The following GPHN variants were observed in gnomAD, a reference collection of about 807,000 sequenced individuals.
GPHN encodes the protein gephyrin.
In GPHN, 17 loss-of-function variants were observed where a neutral mutation model predicts 95.5. The observed-to-expected ratio is 0.18, with a 90% CI of 0.12 to 0.27. The LOEUF is 0.27. Ranked by LOEUF, GPHN falls within the 10% of genes least tolerant of loss-of-function variation. The pLI is 1.00. For synonymous variants in GPHN, 320 were observed against 322.5 expected (o/e 0.99, Z 0.08); for missense variants, 660 against 978.1 (o/e 0.67, Z 4.34).
At chr14:67,208,024 C>T in the GPHN span, 1 of 455,052 alleles carries the variant, frequency 2.2e-6, no homozygotes, top group Non-Finnish European at 2.9e-6. Context: ...CTGCCGCCAA[C>T]ACACCCGGGG....
intron 9 of GPHN, among the ~76,000 whole-genome samples, chr14:67,015,659 TC>T (rs2073265490): frequency 6.6e-6 from 1 of 152,062 alleles, no homozygotes; most frequent in East Asian, 1.9e-4. Flanking sequence ...ATCATGCCAC[TC>T]CACTCGAGCC....
the GPHN span, among the ~76,000 whole-genome samples, chr14:67,566,299 C>T: frequency 6.9e-6 from 1 of 145,506 alleles, no homozygotes; most frequent in African/African-American, 2.5e-5. Context: ...ACTGGTCCCC[C>T]TGGGCTGCTG....
At chr14:66,979,897 T>G (rs143216249) in intron 9 of GPHN, among the ~76,000 whole-genome samples, 1 of 152,206 alleles carries the variant, frequency 6.6e-6, no homozygotes, top group African/African-American at 2.4e-5. Context: ...TGGCCTAATT[T>G]CAATATTATT....
At chr14:67,151,025 A>G (rs2081253868) in intron 18 of GPHN, among the ~76,000 whole-genome samples, 1 of 152,208 alleles carries the variant, frequency 6.6e-6, no homozygotes, top group African/African-American at 2.4e-5. Context: ...TTTTAGAAAT[A>G]TTTTATATAA....
chr14:67,035,739 C>T (rs1046536277), intron 10 of GPHN, among the ~76,000 whole-genome samples: 3 of 151,572 alleles, frequency 2.0e-5, no homozygotes, highest in Non-Finnish European at 3.0e-5. Context: ...GATATTGAAT[C>T]AGTAATCAAA....
chr14:67,573,081 C>T, the GPHN span, among the ~76,000 whole-genome samples: 1 of 152,212 alleles, frequency 6.6e-6, no homozygotes, highest in African/African-American at 2.4e-5. This position sits in a 1 kb window ranked among gnomAD's most constrained non-coding sequence, Gnocchi z 4.8. Flanking sequence ...CTTGGCAGGA[C>T]CACCCATGTT....
At chr14:67,568,575 T>G in the GPHN span, among the ~76,000 whole-genome samples, 1 of 152,182 alleles carries the variant, frequency 6.6e-6, no homozygotes, top group East Asian at 1.9e-4. Context: ...CTGCACATCT[T>G]GCATACGTAC....
At chr14:67,225,958 T>C in the GPHN span, among the ~76,000 whole-genome samples, 47 of 130,174 alleles carry the variant, frequency 3.6e-4, no homozygotes, top group African/African-American at 1.2e-3. Flanking sequence ...TGTGTGTGTG[T>C]GTGTGCGCGC....
At chr14:67,524,517 C>T in the GPHN span, among the ~76,000 whole-genome samples, 1 of 152,114 alleles carries the variant, frequency 6.6e-6, no homozygotes, top group African/African-American at 2.4e-5. Flanking sequence ...TATGCCACTC[C>T]CACCCAGAAC....
At chr14:67,336,380 G>A in the GPHN span, 4 of 188,516 alleles carry the variant, frequency 2.1e-5, no homozygotes, top group African/African-American at 7.1e-5. Flanking sequence ...CAAATTATGT[G>A]TCCATTGTTT....
At chr14:67,730,608 A>G in the GPHN span, among the ~76,000 whole-genome samples, 1 of 152,126 alleles carries the variant, frequency 6.6e-6, no homozygotes, top group Non-Finnish European at 1.5e-5. Context: ...TCTGATCCCA[A>G]GCATTTTTTT....
At chr14:66,789,823 CAG>C (rs1167006305) in intron 3 of GPHN, among the ~76,000 whole-genome samples, 1 of 152,192 alleles carries the variant, frequency 6.6e-6, no homozygotes. Flanking sequence ...TCCAAACGTG[CAG>C]AGAGCTGAGT....
the GPHN span, among the ~76,000 whole-genome samples, chr14:67,465,344 G>GTCTAAAC: frequency 6.6e-6 from 1 of 150,472 alleles, no homozygotes. Context: ...GAGCTGCAGG[G>GTCTAAAC]AGAACTACAA....
At chr14:67,035,977 A>G (rs1852246133) in intron 10 of GPHN, among the ~76,000 whole-genome samples, 1 of 151,952 alleles carries the variant, frequency 6.6e-6, no homozygotes, top group South Asian at 2.1e-4. Flanking sequence ...AAAAAAATTG[A>G]TGCAAAAATC....
At chr14:66,976,845 G>T (rs934306924) in intron 9 of GPHN, among the ~76,000 whole-genome samples, 1 of 134,784 alleles carries the variant, frequency 7.4e-6, no homozygotes, top group Non-Finnish European at 1.5e-5. Flanking sequence ...GTAGGAAAAA[G>T]TAAAAAAAGG....
chr14:67,606,893 A>G, the GPHN span, among the ~76,000 whole-genome samples: 1 of 152,020 alleles, frequency 6.6e-6, no homozygotes, highest in African/African-American at 2.4e-5. Flanking sequence ...TGATCTGCCC[A>G]CCTCGGCCTC....
chr14:67,360,007 C>T, the GPHN span: 1 of 530,016 alleles, frequency 1.9e-6, no homozygotes, highest in African/African-American at 1.9e-5. Context: ...GCGCAATACG[C>T]GGCACGCGCC....
intron 5 of GPHN, among the ~76,000 whole-genome samples, chr14:66,911,067 G>A (rs1016185990): frequency 2.0e-5 from 3 of 151,962 alleles, no homozygotes; most frequent in Non-Finnish European, 4.4e-5. Context: ...AATATATTTA[G>A]ATAAACATAT....
chr14:66,754,581 TATAA>T (rs1566908100), intron 2 of GPHN, among the ~76,000 whole-genome samples: 1 of 151,958 alleles, frequency 6.6e-6, no homozygotes, highest in Non-Finnish European at 1.5e-5. Flanking sequence ...TCTAGAGTAA[TATAA>T]ATAATGCGAT....
Sources: gnomAD v4.1 joint callset for allele counts (sites outside exome capture counted in the v4.1 genomes callset) on GRCh38, gnomAD v4.1.1 for gene constraint, Gnocchi (gnomAD v3.1) non-coding constraint, MANE v1.5 for transcripts, NCBI Gene and HGNC (gene_info 2026-07-23, HGNC 2026-07-21) for gene names.